The following ARHGAP26 variants were observed in gnomAD, a reference collection of about 807,000 sequenced individuals.
ARHGAP26 encodes rho GTPase-activating protein 26.
A neutral mutation model predicts 104.8 loss-of-function variants in ARHGAP26; 38 were observed. The observed-to-expected ratio is 0.36, with a 90% CI of 0.28 to 0.48. The LOEUF (loss-of-function observed/expected upper bound fraction) is 0.48, where lower values mean the gene tolerates loss of function less well. ARHGAP26 is among the 20% of genes least tolerant of loss of function. The pLI, the probability that ARHGAP26 is intolerant of heterozygous loss-of-function variation, is 0.99. For synonymous variants in ARHGAP26, 341 were observed against 340.0 expected (o/e 1.00, Z -0.03); for missense variants, 704 against 947.9 (o/e 0.74, Z 3.38).
rs11369150 is a variant in ARHGAP26 at position 142,949,232 on chromosome 5, G to GAGAGAGAGAGAGA, written c.1107+17107_1107+17108insAGAGAGAGAGAGA. On this transcript the variant is annotated intron_variant, in intron 11 of 22. Transcript: ENST00000645722. ...GAGAGAGAGAGAGAGGAGAGAGAGA[G>GAGAGAGAGAGAGA]GAGAGAGAGAGAGAGAGAGAGAGAG... is the stretch of plus-strand genomic sequence containing the variant. Among the ~76,000 whole-genome samples the GAGAGAGAGAGAGA allele has an allele frequency of 6.6e-4, 18 of 27,312 alleles. 2 individuals carry two copies. Among genetic ancestry groups the GAGAGAGAGAGAGA allele is most frequent in the African/African-American group, 4.6e-3 (15 of 3,252 alleles). The allele number at this position is 27,312 out of a possible 152,430, so 17.9% of individuals were successfully genotyped here. A position where few individuals can be genotyped will look rare whatever the true frequency, so the allele number is the denominator to read the frequency against.
At chr5:142,885,616 G>A (rs1356186304) in intron 5 of ARHGAP26, among the ~76,000 whole-genome samples, 2 of 152,152 alleles carry the variant, frequency 1.3e-5, no homozygotes, top group Non-Finnish European at 2.9e-5. Flanking sequence ...CTGTCAAGGT[G>A]GAAGACACTG....
chr5:142,914,539 A>G (rs1762237691), intron 10 of ARHGAP26, among the ~76,000 whole-genome samples: 1 of 152,220 alleles, frequency 6.6e-6, no homozygotes, highest in Non-Finnish European at 1.5e-5. Context: ...GGGGCAGATA[A>G]TAAGTGCTCA....
intron 12 of ARHGAP26, among the ~76,000 whole-genome samples, chr5:143,021,247 G>A (rs956160016): frequency 6.6e-6 from 1 of 152,140 alleles, no homozygotes; most frequent in Non-Finnish European, 1.5e-5. Flanking sequence ...GAATATGCTT[G>A]TTGTATTCTG....
In ARHGAP26 at chr5:143,225,787, C is replaced by T. The variant is rs948592980; in HGVS notation, c.*3341C>T. The T allele has an allele frequency of 1.7e-5, 4 of 230,282 alleles. No homozygotes were observed. The highest frequency in any genetic ancestry group is 3.4e-5 in the Non-Finnish European group (4 of 115,990). The allele number at this position is 230,282 out of a possible 1,614,324, so 14.3% of individuals were successfully genotyped here. On this transcript the variant is annotated 3_prime_UTR_variant, in exon 23 of 23. Coordinates refer to ENST00000645722, the MANE Select transcript of ARHGAP26 (RefSeq NM_001135608.3). ...ATGGGATCTTTCAGGTACCCCCTCC[C>T]CAGCTTCCCTGTGGCTGTGCGGTGC...
intron 4 of ARHGAP26, among the ~76,000 whole-genome samples, chr5:142,883,608 C>T (rs12658615): frequency 0.056 from 8,466 of 152,270 alleles, 561 homozygotes; most frequent in East Asian, 0.28. Flanking sequence ...GTTAGGGCTC[C>T]GGGTGATGGC....
chr5:143,188,324 A>T (rs1349517689), intron 20 of ARHGAP26, among the ~76,000 whole-genome samples: 2 of 152,218 alleles, frequency 1.3e-5, no homozygotes, highest in East Asian at 1.9e-4. Flanking sequence ...ACAAGGCCAG[A>T]GCAGGAATAG....
intron 22 of ARHGAP26, among the ~76,000 whole-genome samples, chr5:143,219,569 T>C (rs1810867064): frequency 1.3e-5 from 2 of 152,210 alleles, no homozygotes; most frequent in African/African-American, 4.8e-5. Context: ...AGGGATTCCA[T>C]GGTAGTATTT....
At chr5:142,911,262 T>C (rs1169628687) in intron 9 of ARHGAP26, among the ~76,000 whole-genome samples, 1 of 152,206 alleles carries the variant, frequency 6.6e-6, no homozygotes, top group African/African-American at 2.4e-5. Context: ...ACGAGAATCC[T>C]ACATGGTCTT....
At chr5:143,009,336 A>G (rs533922066) in intron 11 of ARHGAP26, among the ~76,000 whole-genome samples, 11 of 152,130 alleles carry the variant, frequency 7.2e-5, no homozygotes, top group Non-Finnish European at 1.5e-4. Context: ...TCGTCATCAC[A>G]ATGACTTATT....
At chr5:142,923,330 T>C (rs1314491379) in intron 10 of ARHGAP26, among the ~76,000 whole-genome samples, 1 of 152,218 alleles carries the variant, frequency 6.6e-6, no homozygotes, top group Non-Finnish European at 1.5e-5. Flanking sequence ...AAATGAGCTA[T>C]TATGTAATTC....
At chr5:142,858,114 A>AGT (rs72141550) in intron 1 of ARHGAP26, among the ~76,000 whole-genome samples, 191 of 140,988 alleles carry the variant, frequency 1.4e-3, no homozygotes, top group South Asian at 3.0e-3. Flanking sequence ...AGAGAGAGGG[A>AGT]GTGTGTGTGT....
intron 11 of ARHGAP26, among the ~76,000 whole-genome samples, chr5:143,009,079 C>G (rs993624549): frequency 2.0e-5 from 3 of 152,272 alleles, no homozygotes; most frequent in Admixed American, 6.5e-5. Context: ...CTCTCCCCCC[C>G]TGGTGTTTAT....
intron 19 of ARHGAP26, among the ~76,000 whole-genome samples, chr5:143,144,317 G>T (rs371128069): frequency 6.6e-6 from 1 of 152,026 alleles, no homozygotes; most frequent in Non-Finnish European, 1.5e-5. Flanking sequence ...GTTCTTGTGC[G>T]CTTCTGTCAG....
At chr5:142,985,420 C>T (rs245728) in intron 11 of ARHGAP26, among the ~76,000 whole-genome samples, 3 of 152,094 alleles carry the variant, frequency 2.0e-5, no homozygotes. Context: ...TCATGTTCAC[C>T]CACTAATCAC....
At chr5:142,912,036 A>G (rs1012904212) in intron 9 of ARHGAP26, among the ~76,000 whole-genome samples, 3 of 152,248 alleles carry the variant, frequency 2.0e-5, no homozygotes, top group African/African-American at 7.2e-5. Flanking sequence ...AAACTGGGCA[A>G]GCTTGCTAAT....
chr5:143,044,212 G>T (rs563516704), intron 14 of ARHGAP26, among the ~76,000 whole-genome samples: 1 of 152,158 alleles, frequency 6.6e-6, no homozygotes, highest in Non-Finnish European at 1.5e-5. Flanking sequence ...GCATCTATTT[G>T]CTCATATAAC....
chr5:142,960,217 C>T (rs1205492983), intron 11 of ARHGAP26, among the ~76,000 whole-genome samples: 2 of 152,196 alleles, frequency 1.3e-5, no homozygotes, highest in Non-Finnish European at 2.9e-5. Context: ...CTGTCCTTCC[C>T]CTGATGACAG....
intron 11 of ARHGAP26, among the ~76,000 whole-genome samples, chr5:142,954,665 A>G (rs931668530): frequency 2.6e-5 from 4 of 152,224 alleles, no homozygotes; most frequent in African/African-American, 9.6e-5. Context: ...GGCACACAGT[A>G]GCATGCAGTA....
intron 17 of ARHGAP26, among the ~76,000 whole-genome samples, chr5:143,095,023 C>T (rs981921618): frequency 3.3e-5 from 5 of 152,098 alleles, no homozygotes; most frequent in Admixed American, 3.3e-4. Flanking sequence ...TAAATAGACT[C>T]ATGTCTCTTG....
Sources: allele counts gnomAD v4.1 joint callset (sites outside exome capture counted in the v4.1 genomes callset), GRCh38; gene constraint gnomAD v4.1.1; transcripts MANE v1.5; gene names NCBI Gene and HGNC (gene_info 2026-07-23, HGNC 2026-07-21).